ORC1: variants seen among roughly 807,000 people sequenced by gnomAD.
The protein encoded by ORC1 is origin recognition complex subunit 1.
In ORC1, 61 loss-of-function variants were observed where a neutral mutation model predicts 98.9. The ratio of observed to expected loss-of-function variants is 0.62; its 90% CI spans 0.50 to 0.76. The LOEUF is 0.76. Among genes scored for constraint, ORC1 ranks in the 30% least tolerant of loss-of-function variants. The probability of loss-of-function intolerance (pLI) is 0.00; values close to 1 mark genes in which losing one functional copy is unlikely to be tolerated. For missense variants in ORC1, 979 were observed against 1,072.2 expected, an observed-to-expected ratio of 0.91 and a Z score of 1.21; for synonymous variants, 385 against 406.9, an observed-to-expected ratio of 0.95 and a Z score of 0.65.
intron 14 of ORC1, 90 bp downstream of exon 14, chr1:52,381,552 C>T: frequency 7.3e-7 from 1 of 1,374,890 alleles, no homozygotes; most frequent in Admixed American, 1.8e-5. Flanking sequence ...AATTTCTCTC[C>T]AACCTCAGAG....
At chr1:52,391,112 C>T (rs1262122591) in intron 6 of ORC1, among the ~76,000 whole-genome samples, 1 of 151,254 alleles carries the variant, frequency 6.6e-6, no homozygotes, top group East Asian at 1.9e-4. Context: ...AGTTCGAGAC[C>T]AGCCTGGCCA....
intron 9 of ORC1, 71 bp downstream of exon 9, chr1:52,385,781 A>C: frequency 2.0e-6 from 2 of 1,006,614 alleles, no homozygotes; most frequent in Non-Finnish European, 3.2e-6. Flanking sequence ...AGTGACTGCT[A>C]ATTTTATGTG....
Position 52,393,782 on chromosome 1 carries a change from G to A in ORC1, c.743C>T (p.Ser248Phe), listed in dbSNP as rs749652476. The A allele has an allele frequency of 5.6e-6, 9 of 1,613,534 alleles. No individual in the cohort carries two copies. In the Admixed American group the frequency reaches 1.3e-4, roughly 24 times the overall value. The change falls in exon 6 of 17, where the codon TCC (serine) becomes TTC (phenylalanine). Residue 248 changes from serine to phenylalanine, a missense_variant. Coordinates refer to ENST00000371568, the MANE Select transcript of ORC1 (RefSeq NM_004153.4). ...CAAGGAGGCACATGAAGTCTGCTGG[G>A]ACATCTGAGGGTTACCTAAGTCTAA... is the stretch of plus-strand genomic sequence containing the variant. ...ELGNLGNPQM[S>F]QQTSCASLDS... is the part of the protein sequence containing the mutation.
chr1:52,390,665 T>G (rs1217201513), intron 6 of ORC1, among the ~76,000 whole-genome samples: 1 of 151,394 alleles, frequency 6.6e-6, no homozygotes, highest in Non-Finnish European at 1.5e-5. Flanking sequence ...CCGAGGTGGG[T>G]GGATCACCTG....
At chr1:52,387,160 AG>A (rs898074855) in intron 8 of ORC1, among the ~76,000 whole-genome samples, 5 of 152,164 alleles carry the variant, frequency 3.3e-5, no homozygotes, top group African/African-American at 1.2e-4. Context: ...ACCAGGACAC[AG>A]CAGGAGGTGA....
chr1:52,383,710 G>A, intron 12 of ORC1, 120 bp downstream of exon 12: 1 of 1,279,070 alleles, frequency 7.8e-7, no homozygotes, highest in Non-Finnish European at 1.1e-6. Context: ...ACGCCTCTCA[G>A]CACCAGAAAA....
In ORC1 at chr1:52,395,886, T is replaced by C. The variant is rs141861585; in HGVS notation, c.721+160A>G. 4.0e-3 allele frequency among the ~76,000 whole-genome samples: 602 copies of C among 152,302 alleles called. 13 individuals are homozygous for C. In the South Asian group the frequency reaches 0.047, roughly 12 times the overall value. The stretch of plus-strand genomic sequence containing the variant: ...GATGTACCCTTGTAGTCCCAGCTAC[T>C]GGGGAGGCTGAGGCAGAAGGATTGC... On this transcript the variant is annotated intron_variant, in intron 5 of 16. Coordinates refer to ENST00000371568, the MANE Select transcript of ORC1 (RefSeq NM_004153.4).
chr1:52,383,614 G>A, intron 12 of ORC1, 45 bp from the exon 13 acceptor site: 2 of 1,606,978 alleles, frequency 1.2e-6, no homozygotes, highest in Non-Finnish European at 1.7e-6. Context: ...CACAGAGACT[G>A]AGCTGGTGCT....
upstream of ORC1, chr1:52,409,103 T>C (rs1569975757): frequency 6.0e-6 from 1 of 167,170 alleles, no homozygotes; most frequent in East Asian, 1.6e-4. Flanking sequence ...TAATTCACAC[T>C]GCAGCATATA....
intron 3 of ORC1, among the ~76,000 whole-genome samples, chr1:52,400,066 G>A (rs1056014963): frequency 5.9e-5 from 9 of 152,102 alleles, no homozygotes; most frequent in African/African-American, 2.2e-4. Flanking sequence ...TCTATACACC[G>A]AAGCCCATGA....
In ORC1 at chr1:52,402,733, G is replaced by A. The variant is rs374546608; in HGVS notation, c.-5-505C>T. 4.0e-5 allele frequency among the ~76,000 whole-genome samples: 6 copies of A among 151,886 alleles called. No homozygotes were observed. The East Asian group carries it at 5.8e-4, about 15-fold the overall frequency. On this transcript the variant is annotated intron_variant, in intron 1 of 16. Transcript: ENST00000371568. ...TGGATCACCTGAGGTCAGGAGTTCG[G>A]GACCAGCCTGGCCAACATGGTGAAA...
At chr1:52,374,695 CTT>C (rs1001921688) in intron 16 of ORC1, 113 bp downstream of exon 16, 1 of 748,914 alleles carries the variant, frequency 1.3e-6, no homozygotes, top group African/African-American at 1.7e-5. Flanking sequence ...GTCTGGTATT[CTT>C]TCACATACTC....
chr1:52,397,913 T>G, intron 3 of ORC1, 50 bp from the exon 4 acceptor site: 1 of 1,514,030 alleles, frequency 6.6e-7, no homozygotes, highest in Non-Finnish European at 9.2e-7. Context: ...TCAAGGACAC[T>G]TTACTGAGCA....
chr1:52,382,184 T>C (rs112837875), intron 13 of ORC1, among the ~76,000 whole-genome samples: 10,114 of 152,108 alleles, frequency 0.066, 1,100 homozygotes, highest in African/African-American at 0.23. Context: ...TTTCACCGTG[T>C]TAGCCAGGAT....
rs536768211 is a variant in ORC1, at chr1:52,382,897, A to T, written c.2013+523T>A. The stretch of plus-strand genomic sequence containing the variant: ...GCCCAGCCTAAAACATTTTTTTTTT[A>T]AATAATTAAACCTCCATGGTTTGGT... On this transcript the variant is annotated intron_variant, in intron 13 of 16. Transcript: ENST00000371568. Among the ~76,000 whole-genome samples the T allele has an allele frequency of 2.4e-3, 364 of 151,492 alleles. 1 individual carries two copies. The highest frequency in any genetic ancestry group is 4.0e-3 in the Non-Finnish European group (271 of 67,814).
chr1:52,377,703 CAAAAAAAA>C (rs58266239), intron 14 of ORC1, among the ~76,000 whole-genome samples: 19 of 58,772 alleles, frequency 3.2e-4, no homozygotes, highest in African/African-American at 9.8e-4. Flanking sequence ...CCCCTAGAAG[CAAAAAAAA>C]AAAAAAAAAA....
At chr1:52,397,645 T>G in intron 4 of ORC1, 40 bp downstream of exon 4, 1 of 1,599,058 alleles carries the variant, frequency 6.3e-7, no homozygotes, top group Admixed American at 1.7e-5. Context: ...CAGACAGAAA[T>G]AAGCTTCAAG....
At chr1:52,383,790 C>T (rs1320355389) in intron 12 of ORC1, 40 bp downstream of exon 12, 2 of 1,533,894 alleles carry the variant, frequency 1.3e-6, no homozygotes, top group African/African-American at 1.4e-5. Context: ...TCCTGAGGTA[C>T]AGCCCTGTTT....
Position 52,383,312 on chromosome 1 carries a change from G to T in ORC1, c.2013+108C>A, listed in dbSNP as rs539352824. 1.0e-5 allele frequency: 14 copies of T among 1,347,100 alleles called. No individual in the cohort carries two copies. In the East Asian group the frequency reaches 3.3e-4, roughly 31 times the overall value. The allele number at this position is 1,347,100 out of a possible 1,614,324, so 83.4% of individuals were successfully genotyped here. ...GATCCGCCCGCCTTGGCCTCCCAAA[G>T]TGCGGGGTTTACAGGCGTGAGCCAC... On this transcript the variant is annotated intron_variant, in intron 13 of 16. Transcript: ENST00000371568.
Sources: allele counts gnomAD v4.1 joint callset (sites outside exome capture counted in the v4.1 genomes callset), GRCh38; gene constraint gnomAD v4.1.1; transcripts MANE v1.5; gene names NCBI Gene and HGNC (gene_info 2026-07-23, HGNC 2026-07-21).